ARID2: variants seen among roughly 807,000 people sequenced by gnomAD.
ARID2 encodes AT-rich interactive domain-containing protein 2.
In ARID2, 32 loss-of-function variants were observed where a neutral mutation model predicts 184.6. The ratio of observed to expected loss-of-function variants is 0.17; its 90% CI spans 0.13 to 0.23. ARID2 has a LOEUF of 0.23. Ranked by LOEUF, ARID2 falls within the 10% of genes least tolerant of loss-of-function variation. ARID2 has a pLI of 1.00. For missense variants in ARID2, 1,696 were observed against 2,197.6 expected (o/e 0.77, Z 4.56); for synonymous variants, 836 against 772.6 (o/e 1.08, Z -1.36).
Position 45,905,070 on chromosome 12 carries a change from C to T in ARID2, c.5500C>T (p.Leu1834=), listed in dbSNP as rs778498738. The part of the protein sequence containing the change: ...SKEQEKDSEM[L]Q Reference sequence around the variant, plus strand: ...GGAACAAGAAAAAGACTCAGAAATGCTGCAGTGAAAAATAATTCCACTTAC... The same window carrying T: ...GGAACAAGAAAAAGACTCAGAAATGTTGCAGTGAAAAATAATTCCACTTAC... Residue 1834 remains leucine, a synonymous_variant, in exon 21 of 21, where the codon CTG becomes TTG. Coordinates refer to ENST00000334344, the MANE Select transcript of ARID2 (RefSeq NM_152641.4). The T allele has an allele frequency of 1.2e-6, 2 of 1,613,140 alleles. No homozygotes were observed. The highest frequency in any genetic ancestry group is 1.7e-6 in the Non-Finnish European group (2 of 1,179,628).
rs2138169489 is a variant in ARID2 at position 45,851,261 on chromosome 12, T to C, written c.3138T>C (p.Asn1046=). The change falls in exon 15 of 21, where the codon AAT becomes AAC. Residue 1046 remains asparagine (N), a synonymous_variant. Coordinates refer to ENST00000334344, the MANE Select transcript of ARID2 (RefSeq NM_152641.4). ...TGCAAGTTCAACCTCAACAGTCGAA[T>C]GCAGGAGTTGGTCAGCCTGCCTCTG... The part of the protein sequence containing the change: ...VQMQVQPQQS[N]AGVGQPASGE... 6.2e-7 allele frequency: 1 copy of C among 1,614,202 alleles called. No homozygotes were observed. Among genetic ancestry groups the C allele is most frequent in the Admixed American group, 1.7e-5 (1 of 60,020 alleles).
rs1944522899 is a variant in ARID2, at chr12:45,905,941, TTTTTTTTTTTC to T, written c.*874_*884del. The stretch of plus-strand genomic sequence containing the variant: ...AACTGTGATTTTTTTTTCTTTTTTC[TTTTTTTTTTTC>T]TTTTTTTTTTTGTATTATACACCTT... On this transcript the variant is annotated 3_prime_UTR_variant, in exon 21 of 21. Coordinates refer to ENST00000334344, the MANE Select transcript of ARID2 (RefSeq NM_152641.4). The T allele has an allele frequency of 1.7e-5, 3 of 173,920 alleles. No homozygotes were observed. Among genetic ancestry groups the T allele is most frequent in the African/African-American group, 4.6e-5 (1 of 21,940 alleles). 10.8% of individuals were successfully genotyped at this position (173,920 alleles called of 1,614,324 possible). A position where few individuals can be genotyped will look rare whatever the true frequency, so the allele number is the denominator to read the frequency against.
intron 16 of ARID2, among the ~76,000 whole-genome samples, chr12:45,879,111 A>G (rs1186344056): frequency 6.6e-6 from 1 of 152,126 alleles, no homozygotes; most frequent in Non-Finnish European, 1.5e-5. Flanking sequence ...GGGAGGTGAA[A>G]TATTCTATAA....
At chr12:45,899,523 G>T (rs1293920756) in intron 20 of ARID2, among the ~76,000 whole-genome samples, 1 of 149,628 alleles carries the variant, frequency 6.7e-6, no homozygotes, top group Non-Finnish European at 1.5e-5. Flanking sequence ...GGAGAATGGC[G>T]TGAACACAGG....
intron 16 of ARID2, among the ~76,000 whole-genome samples, chr12:45,878,267 CATTA>C (rs1348755422): frequency 1.3e-5 from 2 of 152,058 alleles, no homozygotes; most frequent in African/African-American, 4.8e-5. Flanking sequence ...TCTTGTGTGA[CATTA>C]GTTTTGGAAA....
intron 3 of ARID2, among the ~76,000 whole-genome samples, chr12:45,742,932 T>TA (rs1941290564): frequency 1.3e-5 from 2 of 152,294 alleles, no homozygotes; most frequent in Admixed American, 1.3e-4. Context: ...TATATGAAAA[T>TA]ACCTGTTTTC....
chr12:45,823,722 C>T (rs116965126), intron 6 of ARID2, among the ~76,000 whole-genome samples: 2,536 of 152,122 alleles, frequency 0.017, 29 homozygotes, highest in Middle Eastern at 0.034. Flanking sequence ...ACATACAACC[C>T]ATCAAGATTG....
At chr12:45,841,607 G>T (rs973692776) in intron 11 of ARID2, 1 of 152,012 alleles carries the variant, frequency 6.6e-6, no homozygotes, top group African/African-American at 2.4e-5. Flanking sequence ...CCATTTTTAG[G>T]TTAACATCTA....
intron 15 of ARID2, among the ~76,000 whole-genome samples, chr12:45,854,878 A>C (rs957349468): frequency 6.6e-6 from 1 of 152,242 alleles, no homozygotes; most frequent in Non-Finnish European, 1.5e-5. Context: ...TTATTAGGTA[A>C]AATTTATTAT....
chr12:45,773,618 A>G (rs1008034830), intron 3 of ARID2, among the ~76,000 whole-genome samples: 8 of 152,160 alleles, frequency 5.3e-5, no homozygotes, highest in Non-Finnish European at 7.4e-5. Context: ...CTGTATGCCA[A>G]TAAATTAAAT....
At chr12:45,870,495 T>C (rs945942691) in intron 16 of ARID2, among the ~76,000 whole-genome samples, 20 of 152,228 alleles carry the variant, frequency 1.3e-4, no homozygotes, top group African/African-American at 4.8e-4. Flanking sequence ...TCATCCTTTC[T>C]ACAGTTCTGT....
In ARID2 at chr12:45,839,463, G is replaced by A. The variant is rs2138137498; in HGVS notation, c.1465G>A (p.Val489Ile). The A allele has an allele frequency of 6.2e-7, 1 of 1,613,862 alleles. No homozygotes were observed. Among genetic ancestry groups the A allele is most frequent in the Non-Finnish European group, 8.5e-7 (1 of 1,179,924 alleles). Residue 489 changes from valine to isoleucine, a missense_variant, in exon 11 of 21, where the codon GTC becomes ATC. This residue lies in a region of ARID2 where 713 missense variants were observed against 824.4 expected (regional missense o/e 0.86). Coordinates refer to ENST00000334344, the MANE Select transcript of ARID2 (RefSeq NM_152641.4). The stretch of plus-strand genomic sequence containing the variant: ...AATTAGGCCACAAGCTATAGAGCAA[G>A]TCCAAACCCAGACTCATGTAGCATC... ...SEIRPQAIEQ[V>I]QTQTHVASAP...
Position 45,780,055 on chromosome 12 carries a change from C to T in ARID2, c.285-31363C>T, listed in dbSNP as rs1055391188. 2.6e-5 allele frequency among the ~76,000 whole-genome samples: 4 copies of T among 152,286 alleles called. No individual in the cohort carries two copies. In the South Asian group the frequency reaches 6.2e-4, roughly 24 times the overall value. ...TGTGAAAGTTAATACATGTAAAGTA[C>T]TTACTTAGCAGATTGCCTAGTAGTT... On this transcript the variant is annotated intron_variant, in intron 3 of 20. Coordinates refer to ENST00000334344, the MANE Select transcript of ARID2 (RefSeq NM_152641.4).
chr12:45,806,346 G>A (rs949338712), intron 3 of ARID2, among the ~76,000 whole-genome samples: 4 of 151,932 alleles, frequency 2.6e-5, no homozygotes, highest in South Asian at 2.1e-4. Flanking sequence ...CCATGTACCC[G>A]GACACCCTAG....
chr12:45,875,605 T>C (rs989063318), intron 16 of ARID2, among the ~76,000 whole-genome samples: 1 of 152,268 alleles, frequency 6.6e-6, no homozygotes, highest in East Asian at 1.9e-4. Context: ...TTGATCTTTA[T>C]TGAAAATCTG....
chr12:45,805,752 T>A (rs980615021), intron 3 of ARID2, among the ~76,000 whole-genome samples: 1 of 152,138 alleles, frequency 6.6e-6, no homozygotes, highest in Admixed American at 6.5e-5. Context: ...CCTTACCTAG[T>A]TACCCTTTTT....
At chr12:45,763,674 A>G (rs559726501) in intron 3 of ARID2, among the ~76,000 whole-genome samples, 2 of 152,006 alleles carry the variant, frequency 1.3e-5, no homozygotes, top group Admixed American at 1.3e-4. Flanking sequence ...ATTTTTTTGT[A>G]GACACAGGGC....
rs559894493 is a variant in ARID2, at chr12:45,847,917, C to T, written c.1581-919C>T. 3.9e-5 allele frequency among the ~76,000 whole-genome samples: 6 copies of T among 152,074 alleles called. No individual in the cohort carries two copies. The South Asian group carries it at 8.3e-4, about 21-fold the overall frequency. ...GAAATGTTGTTTGTCTTCTACATTG[C>T]AACCAAAATGAAGTTTTTATATCTA... On this transcript the variant is annotated intron_variant, in intron 12 of 20. Coordinates refer to ENST00000334344, the MANE Select transcript of ARID2 (RefSeq NM_152641.4).
chr12:45,787,571 A>G (rs1942219234), intron 3 of ARID2, among the ~76,000 whole-genome samples: 1 of 152,108 alleles, frequency 6.6e-6, no homozygotes, highest in Non-Finnish European at 1.5e-5. Context: ...CATGTTGTAT[A>G]CCATAAATAT....
Sources: allele counts gnomAD v4.1 joint callset (sites outside exome capture counted in the v4.1 genomes callset), GRCh38; gene constraint gnomAD v4.1.1; regional missense constraint gnomAD v4.1.1; transcripts MANE v1.5; gene names NCBI Gene and HGNC (gene_info 2026-07-23, HGNC 2026-07-21).